TRPC7: variants seen among roughly 807,000 people sequenced by gnomAD.
The protein encoded by TRPC7 is short transient receptor potential channel 7.
In TRPC7, 42 loss-of-function variants were observed where a neutral mutation model predicts 90.1. The observed-to-expected ratio is 0.47, with a 90% confidence interval of 0.36 to 0.60. TRPC7 has a LOEUF of 0.60. TRPC7 is among the 20% of genes least tolerant of loss of function. The pLI is 0.00. For synonymous variants in TRPC7, 451 were observed against 436.3 expected (o/e 1.03, Z -0.42); for missense variants, 955 against 1,112.3 (o/e 0.86, Z 2.01).
chr5:136,278,209 A>G (rs1287827240), intron 3 of TRPC7, among the ~76,000 whole-genome samples: 2 of 152,164 alleles, frequency 1.3e-5, no homozygotes, highest in African/African-American at 4.8e-5. Flanking sequence ...ACTCCCTTTA[A>G]TTGTAGTTAT....
At chr5:136,230,332 C>T (rs1254692042) in intron 8 of TRPC7, among the ~76,000 whole-genome samples, 1 of 152,202 alleles carries the variant, frequency 6.6e-6, no homozygotes, top group East Asian at 1.9e-4. Context: ...ACCATGCCCC[C>T]TATTCCCACC....
chr5:136,251,960 C>A, intron 5 of TRPC7, 78 bp from the exon 6 acceptor site: 1 of 1,145,014 alleles, frequency 8.7e-7, no homozygotes. Flanking sequence ...TGGAGGGAAC[C>A]AGAGTACAAA....
chr5:136,335,783 A>G (rs866929414), intron 2 of TRPC7, among the ~76,000 whole-genome samples: 11 of 151,598 alleles, frequency 7.3e-5, no homozygotes, highest in Admixed American at 7.2e-4. Context: ...GGGCGCCTGT[A>G]GTCCCAGCTA....
intron 2 of TRPC7, among the ~76,000 whole-genome samples, chr5:136,355,520 C>T (rs1260800802): frequency 6.6e-6 from 1 of 152,168 alleles, no homozygotes; most frequent in East Asian, 1.9e-4. Context: ...TGCTCTTGGC[C>T]AGGTGTGGTG....
intron 3 of TRPC7, among the ~76,000 whole-genome samples, chr5:136,300,189 C>T (rs774091273): frequency 6.6e-6 from 1 of 152,192 alleles, no homozygotes; most frequent in Non-Finnish European, 1.5e-5. Context: ...ATATCTTTTG[C>T]AAATTTACAG....
intron 7 of TRPC7, among the ~76,000 whole-genome samples, chr5:136,237,598 G>C (rs1185584739): frequency 6.6e-6 from 1 of 152,168 alleles, no homozygotes; most frequent in Non-Finnish European, 1.5e-5. Flanking sequence ...TTGAGTATAC[G>C]TTTTTGGCCA....
chr5:136,293,928 A>G lies in TRPC7; in HGVS notation c.964-19091T>C, dbSNP rs866514258. ...ACAGTAACCAAAACAGCATGATACT[A>G]GTACCAAAACAGAGATATAGACCAA... On this transcript the variant is annotated intron_variant, in intron 3 of 11. Transcript: ENST00000513104. 2.1e-3 allele frequency among the ~76,000 whole-genome samples: 323 copies of G among 152,268 alleles called. 1 individual carries two copies. The highest frequency in any genetic ancestry group is 7.3e-3 in the African/African-American group (304 of 41,556).
intron 3 of TRPC7, among the ~76,000 whole-genome samples, chr5:136,305,701 T>C (rs1758598456): frequency 6.6e-6 from 1 of 152,178 alleles, no homozygotes; most frequent in African/African-American, 2.4e-5. Context: ...CCCACCTCTA[T>C]ACAGTCTGAT....
In TRPC7 at chr5:136,355,323, T is replaced by C. The variant is rs11749639; in HGVS notation, c.780+1285A>G. Among the ~76,000 whole-genome samples the C allele has an allele frequency of 8.4e-3, 1,274 of 152,326 alleles. 9 individuals carry two copies. The highest frequency in any genetic ancestry group is 0.014 in the Middle Eastern group (4 of 294). On this transcript the variant is annotated intron_variant, in intron 2 of 11. Coordinates refer to ENST00000513104, the MANE Select transcript of TRPC7 (RefSeq NM_020389.3). Reference sequence around the variant, plus strand: ...GTGGCCAAGAGTTGACTCTGGGGTCTGAGTGCTTAGATTAGAAAAATGGTT... The same window carrying C: ...GTGGCCAAGAGTTGACTCTGGGGTCCGAGTGCTTAGATTAGAAAAATGGTT...
chr5:136,361,915 T>C (rs1466901677), intron 1 of TRPC7, among the ~76,000 whole-genome samples: 1 of 152,158 alleles, frequency 6.6e-6, no homozygotes, highest in East Asian at 1.9e-4. Flanking sequence ...CCATTCCTCA[T>C]GTTCCTCAGG....
chr5:136,306,760 T>A (rs1022583039), intron 3 of TRPC7, among the ~76,000 whole-genome samples: 1 of 151,832 alleles, frequency 6.6e-6, no homozygotes, highest in South Asian at 2.1e-4. Flanking sequence ...CTTAAGAGGG[T>A]GCTTTGTAAT....
chr5:136,315,564 G>A, intron 3 of TRPC7, 33 bp downstream of exon 3: 2 of 1,608,204 alleles, frequency 1.2e-6, no homozygotes, highest in East Asian at 2.2e-5. Flanking sequence ...AGAGAGGTGA[G>A]ATGGGAAGAC....
At chr5:136,225,942 G>A (rs765788703) in intron 9 of TRPC7, 92 bp downstream of exon 9, 125 of 1,064,128 alleles carry the variant, frequency 1.2e-4, no homozygotes, top group Admixed American at 2.0e-4. Context: ...TGCATGGGGT[G>A]GGGGAGGGCA....
At chr5:136,243,914 C>A (rs1188259091) in intron 7 of TRPC7, among the ~76,000 whole-genome samples, 2 of 152,128 alleles carry the variant, frequency 1.3e-5, no homozygotes, top group Admixed American at 6.5e-5. Flanking sequence ...CCTTTATCCT[C>A]TTCCCTCTCC....
chr5:136,284,327 A>C (rs1336604423), intron 3 of TRPC7, among the ~76,000 whole-genome samples: 3 of 152,194 alleles, frequency 2.0e-5, no homozygotes, highest in Non-Finnish European at 4.4e-5. Flanking sequence ...GTGTATATTC[A>C]CACATGTATA....
At chr5:136,358,395 C>T (rs747648104) in intron 1 of TRPC7, among the ~76,000 whole-genome samples, 2 of 152,160 alleles carry the variant, frequency 1.3e-5, no homozygotes, top group Admixed American at 1.3e-4. Flanking sequence ...ATACTAAGAG[C>T]TTCACATATA....
intron 5 of TRPC7, among the ~76,000 whole-genome samples, chr5:136,264,648 G>A (rs771935154): frequency 6.6e-6 from 1 of 151,574 alleles, no homozygotes; most frequent in South Asian, 2.1e-4. Context: ...GCTGGAGTGC[G>A]GTGGTGCAAT....
chr5:136,359,553 A>C (rs1760497156), intron 1 of TRPC7, among the ~76,000 whole-genome samples: 3 of 152,204 alleles, frequency 2.0e-5, no homozygotes, highest in Admixed American at 2.0e-4. Context: ...TTCCAGAGAC[A>C]GTCTGCTCAA....
intron 5 of TRPC7, among the ~76,000 whole-genome samples, chr5:136,258,923 C>G (rs1330795973): frequency 6.6e-6 from 1 of 152,172 alleles, no homozygotes; most frequent in African/African-American, 2.4e-5. Flanking sequence ...TGGCTGTGAA[C>G]CCACAAGTCC....
Sources: allele counts gnomAD v4.1 joint callset (sites outside exome capture counted in the v4.1 genomes callset), GRCh38; gene constraint gnomAD v4.1.1; transcripts MANE v1.5; gene names NCBI Gene and HGNC (gene_info 2026-07-23, HGNC 2026-07-21).